CLEC12B: variants seen among roughly 807,000 people sequenced by gnomAD.
The protein encoded by CLEC12B is C-type lectin domain family 12 member B, also known as macrophage antigen h.
Under a neutral mutation model 36.1 loss-of-function variants are expected in CLEC12B, and 25 were observed. The ratio of observed to expected loss-of-function variants is 0.69; its 90% CI spans 0.50 to 0.97. The LOEUF is 0.97. Ranked by LOEUF, CLEC12B falls within the 50% of genes least tolerant of loss-of-function variation. The pLI is 0.00. For missense variants in CLEC12B, 325 were observed against 318.4 expected (o/e 1.02, Z -0.16); for synonymous variants, 110 against 108.5 (o/e 1.01, Z -0.09).
chr12:10,010,802 T>A lies in CLEC12B; in HGVS notation c.43T>A (p.Ser15Thr). The A allele has an allele frequency of 6.2e-7, 1 of 1,612,210 alleles. No homozygotes were observed. Among genetic ancestry groups the A allele is most frequent in the Non-Finnish European group, 8.5e-7 (1 of 1,178,478 alleles). ...VTYATLTFQD[S>T]AGARNNRDGN... Reference sequence around the variant, plus strand: ...CTACGCGACACTCACATTTCAGGATTCTGCTGGAGCAAGGAATAACCGAGA... The same window carrying A: ...CTACGCGACACTCACATTTCAGGATACTGCTGGAGCAAGGAATAACCGAGA... Residue 15 changes from serine (S) to threonine (T), a missense_variant, in exon 1 of 6, where the codon TCT becomes ACT. Transcript: ENST00000338896.
upstream of CLEC12B, among the ~76,000 whole-genome samples, chr12:10,007,254 G>C (rs1336790850): frequency 6.6e-6 from 1 of 151,486 alleles, no homozygotes; most frequent in Non-Finnish European, 1.5e-5. Context: ...TAATATAGGA[G>C]ATATTATATC....
Position 10,015,412 on chromosome 12 carries a change from A to G in CLEC12B, c.564+6A>G, listed in dbSNP as rs1227569496. 3.7e-6 allele frequency: 6 copies of G among 1,609,490 alleles called. No homozygotes were observed. Among genetic ancestry groups the G allele is most frequent in the Non-Finnish European group, 5.1e-6 (6 of 1,178,174 alleles). Reference sequence around the variant, plus strand: ...TAGACAGTTTGGAAGAAAAGGTAGGATTGAGTCTCATTCTCTAGTTATAGA... The same window carrying G: ...TAGACAGTTTGGAAGAAAAGGTAGGGTTGAGTCTCATTCTCTAGTTATAGA... On this transcript the variant is annotated splice_donor_region_variant and intron_variant, in intron 4 of 5. Coordinates refer to ENST00000338896, the MANE Select transcript of CLEC12B (RefSeq NM_001129998.3).
chr12:10,015,482 A>C, intron 4 of CLEC12B, 76 bp downstream of exon 4: 1 of 1,561,294 alleles, frequency 6.4e-7, no homozygotes, highest in Non-Finnish European at 8.7e-7. Context: ...CATCTGATTC[A>C]CATGATGGAA....
intron 3 of CLEC12B, among the ~76,000 whole-genome samples, chr12:10,014,973 C>T (rs920527790): frequency 6.6e-6 from 1 of 152,092 alleles, no homozygotes; most frequent in Non-Finnish European, 1.5e-5. Flanking sequence ...TACTTCAACC[C>T]CTCATTTTAT....
upstream of CLEC12B, among the ~76,000 whole-genome samples, chr12:10,010,177 CTCTG>C (rs1865289884): frequency 8.5e-6 from 1 of 117,530 alleles, no homozygotes; most frequent in South Asian, 2.9e-4. Flanking sequence ...GTCTCTCTCT[CTCTG>C]TCTCTCTCTG....
upstream of CLEC12B, among the ~76,000 whole-genome samples, chr12:10,008,800 G>C (rs1027041329): frequency 6.6e-6 from 1 of 152,188 alleles, no homozygotes. Flanking sequence ...TGGATAGTGA[G>C]AAGTTAATAC....
chr12:10,012,588 C>T (rs1056436840), intron 1 of CLEC12B, among the ~76,000 whole-genome samples, 197 bp from the exon 2 acceptor site: 10 of 152,014 alleles, frequency 6.6e-5, no homozygotes, highest in Admixed American at 5.2e-4. Context: ...TGAAGGAGAG[C>T]GGTGGAGAAA....
intron 4 of CLEC12B, 31 bp from the exon 5 acceptor site, chr12:10,015,581 C>T (rs1363898995): frequency 8.1e-6 from 13 of 1,612,776 alleles, no homozygotes; most frequent in African/African-American, 2.7e-5. Context: ...GTGGCGCTCA[C>T]GTAAAACTTT....
At chr12:10,010,575 G>C, upstream of CLEC12B, 1 of 479,954 alleles carries the variant, frequency 2.1e-6, no homozygotes, top group South Asian at 2.2e-5. Context: ...AGAATATTTG[G>C]CTTTTCTCAC....
rs543547632 is a variant in CLEC12B, at chr12:10,012,145, T to A, written c.92-640T>A. On this transcript the variant is annotated intron_variant, in intron 1 of 5. Transcript: ENST00000338896. ...TATTCATTCATTATTTATTAGGTGA[T>A]AAATAGCATGAATAATAGATAAGTT... Among the ~76,000 whole-genome samples, 23 of 152,344 alleles carry A rather than the reference T, an allele frequency of 1.5e-4. No individual in the cohort carries two copies. The South Asian group carries it at 1.9e-3, about 12-fold the overall frequency.
In CLEC12B at chr12:10,010,632, A is replaced by T; in HGVS notation, c.-128A>T. 2 of 584,818 alleles carry T rather than the reference A, an allele frequency of 3.4e-6. No individual in the cohort carries two copies. The highest frequency in any genetic ancestry group is 3.9e-5 in the South Asian group (2 of 51,714). 36.2% of individuals were successfully genotyped at this position (584,818 alleles called of 1,614,324 possible). Reference sequence around the variant, plus strand: ...TGTCATTCTTCTCTTACAGAGGGGCAGTAGAGTGTGTCTGGGTCAGCTGAG... The same window carrying T: ...TGTCATTCTTCTCTTACAGAGGGGCTGTAGAGTGTGTCTGGGTCAGCTGAG... On this transcript the variant is annotated 5_prime_UTR_variant, in exon 1 of 6. Transcript: ENST00000338896.
Position 10,015,661 on chromosome 12 carries a change from G to A in CLEC12B, c.614G>A (p.Gly205Glu), listed in dbSNP as rs752650812. 1 of 1,613,740 alleles carries A rather than the reference G, an allele frequency of 6.2e-7. No homozygotes were observed. Among genetic ancestry groups the A allele is most frequent in the Admixed American group, 1.7e-5 (1 of 59,988 alleles). The change falls in exon 5 of 6, where the codon GGA (glycine) becomes GAA (glutamate). Residue 205 changes from glycine to glutamate, a missense_variant. Coordinates refer to ENST00000338896, the MANE Select transcript of CLEC12B (RefSeq NM_001129998.3). ...CTCATGTTTTCGTTCTTTTGGCTGG[G>A]ATTATCATGGGACTCCTCTGGCAGA... ...PLLMFSFFWL[G>E]LSWDSSGRSW...
At chr12:10,012,926 CAT>C in intron 2 of CLEC12B, 43 bp downstream of exon 2, 3 of 1,390,834 alleles carry the variant, frequency 2.2e-6, no homozygotes, top group Non-Finnish European at 3.1e-6. Context: ...AACTAGAAAA[CAT>C]ATTGTAAACC....
At chr12:10,017,223 CTAATAA>C in intron 5 of CLEC12B, 1 of 985,218 alleles carries the variant, frequency 1.0e-6, no homozygotes, top group Non-Finnish European at 1.2e-6. Flanking sequence ...TGGTTTCACA[CTAATAA>C]TAATGACAAA....
At chr12:10,008,671 A>T (rs1254907688), upstream of CLEC12B, among the ~76,000 whole-genome samples, 4 of 152,238 alleles carry the variant, frequency 2.6e-5, no homozygotes, top group East Asian at 5.8e-4. Context: ...ATGATAGATG[A>T]TATAGCTTTT....
intron 2 of CLEC12B, among the ~76,000 whole-genome samples, chr12:10,014,302 A>G (rs1009861714): frequency 1.3e-5 from 2 of 152,200 alleles, no homozygotes; most frequent in African/African-American, 2.4e-5. Flanking sequence ...TTATTAAATC[A>G]TTATTTTAAT....
chr12:10,010,076 GGGCACTCCCATTCATACTCACGTT>G (rs1865286744), upstream of CLEC12B, among the ~76,000 whole-genome samples: 3 of 152,160 alleles, frequency 2.0e-5, no homozygotes, highest in South Asian at 6.2e-4. Flanking sequence ...TGCCAGAAGA[GGGCACTCCCATTCATACTCACGTT>G]AAGTAGCTAA....
At chr12:10,015,748 G>A in intron 5 of CLEC12B, 21 bp downstream of exon 5, 2 of 1,607,886 alleles carry the variant, frequency 1.2e-6, no homozygotes, top group Non-Finnish European at 1.7e-6. Context: ...AACTATTGAG[G>A]GTAAACACAA....
upstream of CLEC12B, among the ~76,000 whole-genome samples, chr12:10,006,928 G>T (rs999485718): frequency 3.3e-5 from 5 of 151,940 alleles, no homozygotes; most frequent in Non-Finnish European, 2.9e-5. Flanking sequence ...GGTGGCAGGC[G>T]CCTGTAGTCC....
Sources: allele counts gnomAD v4.1 joint callset (sites outside exome capture counted in the v4.1 genomes callset), GRCh38; gene constraint gnomAD v4.1.1; transcripts MANE v1.5; gene names NCBI Gene and HGNC (gene_info 2026-07-23, HGNC 2026-07-21).